Variants in SLC12A8 observed in about 807,000 individuals in gnomAD.
SLC12A8 encodes cation-chloride cotransporter 9.
SLC12A8 carries 69 observed loss-of-function variants against 75.6 expected under a neutral mutation model. The observed-to-expected ratio is 0.91, with a 90% CI of 0.75 to 1.11. The LOEUF (loss-of-function observed/expected upper bound fraction) is 1.11, where lower values mean the gene tolerates loss of function less well. Ranked by LOEUF, SLC12A8 falls within the 50% of genes most tolerant of loss-of-function variation. SLC12A8 has a pLI of 0.00. For synonymous variants in SLC12A8, 365 were observed against 372.8 expected, an observed-to-expected ratio of 0.98 and a Z score of 0.24; for missense variants, 877 against 896.7, an observed-to-expected ratio of 0.98 and a Z score of 0.28.
intron 4 of SLC12A8, among the ~76,000 whole-genome samples, chr3:125,179,077 G>T (rs1180985032): frequency 6.6e-6 from 1 of 151,808 alleles, no homozygotes; most frequent in Non-Finnish European, 1.5e-5. Context: ...GTCCTTCACT[G>T]CCCCCAGGGC....
In SLC12A8 at chr3:125,107,846, G is replaced by C. The variant is rs770353081; in HGVS notation, c.1340C>G (p.Ala447Gly). The C allele has an allele frequency of 1.2e-6, 2 of 1,614,152 alleles. No individual in the cohort carries two copies. Among genetic ancestry groups the C allele is most frequent in the Middle Eastern group, 1.6e-4 (1 of 6,062 alleles). ...KAPSYGSEGPAQRVLEGTLLE... is the reference protein window; with the variant it reads ...KAPSYGSEGPGQRVLEGTLLE... ...TAGCGTGCCCTCCAAGACTCTTTGG[G>C]CAGGTCCCTCAGAGCCGTAACTGGG... The change falls in exon 10 of 14, where the codon GCC becomes GGC. Residue 447 changes from alanine (A) to glycine (G), a missense_variant. By Grantham distance (60) the Ala-to-Gly change is moderately conservative. Transcript: ENST00000469902.
At chr3:125,189,914 C>A (rs1934874323) in intron 3 of SLC12A8, among the ~76,000 whole-genome samples, 1 of 152,176 alleles carries the variant, frequency 6.6e-6, no homozygotes, top group East Asian at 1.9e-4. Context: ...GGCAATCCAT[C>A]CCTAGAGGTA....
Position 125,154,444 on chromosome 3 carries a change from C to T in SLC12A8, c.623-18662G>A, listed in dbSNP as rs576381258. On this transcript the variant is annotated intron_variant, in intron 5 of 13. Transcript: ENST00000469902. ...TAACCTCTCTGAACATCAGTTATCT[C>T]ATCTTTATCATGGGGACAATAACAC... Among the ~76,000 whole-genome samples, 8 of 152,286 alleles carry T rather than the reference C, an allele frequency of 5.3e-5. No individual in the cohort carries two copies. The East Asian group carries it at 1.4e-3, about 26-fold the overall frequency.
At chr3:125,164,112 G>A (rs1265266996) in intron 5 of SLC12A8, among the ~76,000 whole-genome samples, 4 of 152,166 alleles carry the variant, frequency 2.6e-5, no homozygotes, top group East Asian at 1.9e-4. Context: ...AGGCATGAAC[G>A]GGCCCAGCGG....
intron 5 of SLC12A8, among the ~76,000 whole-genome samples, chr3:125,143,413 A>G (rs907103069): frequency 2.6e-5 from 4 of 152,236 alleles, no homozygotes; most frequent in African/African-American, 9.6e-5. Flanking sequence ...GAGGCCCCCA[A>G]AGAGTCCTGG....
intron 2 of SLC12A8, among the ~76,000 whole-genome samples, chr3:125,201,395 C>A (rs1560085198): frequency 6.6e-6 from 1 of 151,944 alleles, no homozygotes; most frequent in African/African-American, 2.4e-5. Context: ...CAGAGTGAGA[C>A]CCTGTCTCTA....
chr3:125,150,707 C>A (rs1280937007), intron 5 of SLC12A8, among the ~76,000 whole-genome samples: 1 of 152,154 alleles, frequency 6.6e-6, no homozygotes, highest in Non-Finnish European at 1.5e-5. Context: ...CAGTGCGATT[C>A]TTGTACACTA....
chr3:125,134,019 T>C (rs1933428927), intron 6 of SLC12A8, among the ~76,000 whole-genome samples: 1 of 152,260 alleles, frequency 6.6e-6, no homozygotes, highest in African/African-American at 2.4e-5. Flanking sequence ...TACAATCATA[T>C]TTATTTGCTT....
At chr3:125,101,879 T>C (rs1226367750) in intron 10 of SLC12A8, among the ~76,000 whole-genome samples, 1 of 152,254 alleles carries the variant, frequency 6.6e-6, no homozygotes, top group East Asian at 1.9e-4. Context: ...TCAATTCAAG[T>C]AGGCTTTACT....
At chr3:125,139,274 G>GT (rs1933569870) in intron 5 of SLC12A8, among the ~76,000 whole-genome samples, 1 of 151,786 alleles carries the variant, frequency 6.6e-6, no homozygotes, top group South Asian at 2.1e-4. Flanking sequence ...ACCCCCAGTC[G>GT]TACCTCCATG....
At chr3:125,192,227 T>C (rs1358615635) in intron 2 of SLC12A8, among the ~76,000 whole-genome samples, 3 of 152,056 alleles carry the variant, frequency 2.0e-5, no homozygotes, top group Non-Finnish European at 4.4e-5. Context: ...ACAGGAGCTC[T>C]CTGCTCTGCT....
At chr3:125,199,990 T>C (rs1935089097) in intron 2 of SLC12A8, among the ~76,000 whole-genome samples, 2 of 152,140 alleles carry the variant, frequency 1.3e-5, no homozygotes, top group South Asian at 2.1e-4. Flanking sequence ...AAGAATATTA[T>C]TTAAAGTTAC....
rs151311735 is a variant in SLC12A8 at position 125,085,164 on chromosome 3, G to A, written c.1983-1112C>T. Among the ~76,000 whole-genome samples, 31 of 152,316 alleles carry A rather than the reference G, an allele frequency of 2.0e-4. 1 individual carries two copies. The East Asian group carries it at 6.0e-3, about 29-fold the overall frequency. ...AACTGAATTAACTTCTATAAAGGCT[G>A]AATCTCCAAAAAGTTTAGGAGGTGA... On this transcript the variant is annotated intron_variant, in intron 13 of 13. Transcript: ENST00000469902.
At chr3:125,189,690 G>T (rs751404360) in intron 3 of SLC12A8, among the ~76,000 whole-genome samples, 8 of 152,206 alleles carry the variant, frequency 5.3e-5, no homozygotes, top group Non-Finnish European at 1.2e-4. Flanking sequence ...GATGGTGACT[G>T]GCTTGCCTTT....
intron 2 of SLC12A8, among the ~76,000 whole-genome samples, chr3:125,208,744 A>G (rs1935273606): frequency 7.5e-6 from 1 of 133,980 alleles, no homozygotes; most frequent in Admixed American, 7.6e-5. Flanking sequence ...TTACTGACCA[A>G]TCTACACACA....
At chr3:125,099,544 A>G (rs1938806866) in intron 10 of SLC12A8, among the ~76,000 whole-genome samples, 1 of 152,220 alleles carries the variant, frequency 6.6e-6, no homozygotes, top group African/African-American at 2.4e-5. Context: ...GCTGTTAAAA[A>G]TATATTTAAA....
At chr3:125,109,159 C>G (rs1323772993) in intron 9 of SLC12A8, among the ~76,000 whole-genome samples, 1 of 152,202 alleles carries the variant, frequency 6.6e-6, no homozygotes. Context: ...TTCTTGGTTT[C>G]TGTGGCTGGC....
At chr3:125,084,205 T>C (rs1043885527) in intron 13 of SLC12A8, among the ~76,000 whole-genome samples, 153 bp from the exon 14 acceptor site, 4 of 152,010 alleles carry the variant, frequency 2.6e-5, no homozygotes, top group Admixed American at 2.0e-4. Context: ...TACAGGTATA[T>C]ATGAACTCAA....
At chr3:125,177,045 G>A (rs9822364) in intron 5 of SLC12A8, among the ~76,000 whole-genome samples, 9,613 of 151,450 alleles carry the variant, frequency 0.063, 413 homozygotes, top group East Asian at 0.2. Context: ...TTGCGGCACT[G>A]TTCACAATAG....
Sources: gnomAD v4.1 joint callset for allele counts (sites outside exome capture counted in the v4.1 genomes callset) on GRCh38, gnomAD v4.1.1 for gene constraint, MANE v1.5 for transcripts, NCBI Gene and HGNC (gene_info 2026-07-23, HGNC 2026-07-21) for gene names.